NHLRC2: variants seen among roughly 807,000 people sequenced by gnomAD.
NHLRC2 encodes NHL repeat-containing protein 2.
In NHLRC2, 33 loss-of-function variants were observed where a neutral mutation model predicts 68.1. The observed-to-expected ratio is 0.48, with a 90% CI of 0.37 to 0.65. The LOEUF is 0.65. Among genes scored for constraint, NHLRC2 ranks in the 30% least tolerant of loss-of-function variants. NHLRC2 has a pLI of 0.00. For synonymous variants in NHLRC2, 311 were observed against 309.6 expected (o/e 1.00, Z -0.05); for missense variants, 761 against 853.8 (o/e 0.89, Z 1.35).
In NHLRC2 at chr10:113,911,304, C is replaced by T. The variant is rs1846326767; in HGVS notation, c.*2768C>T. ...TGTAAAGAGTTTAGCTTATCTTGAA[C>T]ATTCTGTCTTAAGCAAATATTTAAC... is the stretch of plus-strand genomic sequence containing the variant. On this transcript the variant is annotated 3_prime_UTR_variant, in exon 11 of 11. Transcript: ENST00000369301. The T allele has an allele frequency of 6.6e-6, 1 of 152,020 alleles. No individual in the cohort carries two copies. The allele number at this position is 152,020 out of a possible 1,614,324, so 9.4% of individuals were successfully genotyped here. A position where few individuals can be genotyped will look rare whatever the true frequency, so the allele number is the denominator to read the frequency against.
intron 2 of NHLRC2, among the ~76,000 whole-genome samples, chr10:113,859,309 TA>T (rs1002843761): frequency 6.6e-6 from 1 of 151,990 alleles, no homozygotes; most frequent in Non-Finnish European, 1.5e-5. Flanking sequence ...GTCTACTTTC[TA>T]AAAAAAGAAC....
chr10:113,906,455 G>A (rs1589550166), intron 10 of NHLRC2, among the ~76,000 whole-genome samples: 1 of 151,192 alleles, frequency 6.6e-6, no homozygotes, highest in Admixed American at 6.6e-5. Flanking sequence ...TTCTCTTTTG[G>A]CTTGTTATTT....
chr10:113,882,177 G>T (rs1846040918), intron 4 of NHLRC2, among the ~76,000 whole-genome samples: 1 of 151,666 alleles, frequency 6.6e-6, no homozygotes, highest in Non-Finnish European at 1.5e-5. Flanking sequence ...TTGATACACA[G>T]GTTTTACATG....
intron 10 of NHLRC2, 110 bp downstream of exon 10, chr10:113,905,146 G>A (rs931655620): frequency 5.9e-6 from 3 of 511,908 alleles, no homozygotes; most frequent in Non-Finnish European, 9.8e-6. Flanking sequence ...AAGATTTGAA[G>A]ATCATATGAA....
rs928570091 is a variant in NHLRC2, at chr10:113,915,640, T to G, written c.*7104T>G. On this transcript the variant is annotated 3_prime_UTR_variant, in exon 11 of 11. Coordinates refer to ENST00000369301, the MANE Select transcript of NHLRC2 (RefSeq NM_198514.4). ...AAATAGTTTTTTTTTCCCTTCCCAT[T>G]TTTTTGTTTTTAAGAGATAGGGTCT... 2.1e-5 allele frequency: 5 copies of G among 237,536 alleles called. No individual in the cohort carries two copies. The highest frequency in any genetic ancestry group is 1.2e-4 in the African/African-American group (5 of 42,302). The allele number at this position is 237,536 out of a possible 1,614,324, so 14.7% of individuals were successfully genotyped here.
In NHLRC2 at chr10:113,915,252, A is replaced by G. The variant is rs1453968672; in HGVS notation, c.*6716A>G. The G allele has an allele frequency of 4.4e-6, 2 of 456,312 alleles. No individual in the cohort carries two copies. Among genetic ancestry groups the G allele is most frequent in the Non-Finnish European group, 8.8e-6 (2 of 226,964 alleles). 28.3% of individuals were successfully genotyped at this position (456,312 alleles called of 1,614,324 possible). A position where few individuals can be genotyped will look rare whatever the true frequency, so the allele number is the denominator to read the frequency against. On this transcript the variant is annotated 3_prime_UTR_variant, in exon 11 of 11. Transcript: ENST00000369301. ...GAAAATATTGCAACTATTTGCAAAC[A>G]TACTTCCCTACCTGTACAAGCAGCC... is the stretch of plus-strand genomic sequence containing the variant.
At position 113,879,538 on chromosome 10, in the gene NHLRC2, A is replaced by T. The variant is rs767707676; in HGVS notation, c.788-36A>T. The T allele has an allele frequency of 4.5e-6, 7 of 1,554,860 alleles. No homozygotes were observed. In the South Asian group the frequency reaches 8.4e-5, roughly 19 times the overall value. ...TTGTTTTGTTTTGTTTTACCTTGAG[A>T]TCACTTCTTAAGTGGCAAATTTTAT... On this transcript the variant is annotated intron_variant, in intron 3 of 10. Transcript: ENST00000369301.
At position 113,869,023 on chromosome 10, in the gene NHLRC2, A is replaced by G. The variant is rs1455814563; in HGVS notation, c.332-7498A>G. The stretch of plus-strand genomic sequence containing the variant: ...TTATACTAGGAACAATTGAAAGCCA[A>G]TGAAGGATTTTCTGCAACAAGGTGA... On this transcript the variant is annotated intron_variant, in intron 2 of 10. Coordinates refer to ENST00000369301, the MANE Select transcript of NHLRC2 (RefSeq NM_198514.4). Among the ~76,000 whole-genome samples the G allele has an allele frequency of 2.6e-5, 4 of 152,352 alleles. No individual in the cohort carries two copies. The East Asian group carries it at 5.8e-4, about 22-fold the overall frequency.
chr10:113,915,322 C>G lies in NHLRC2; in HGVS notation c.*6786C>G. Reference sequence around the variant, plus strand: ...ACAAGCACAAATGAACACTAAATAGCCTTATACCAAAAAGCATTCTTGTAA... The same window carrying G: ...ACAAGCACAAATGAACACTAAATAGGCTTATACCAAAAAGCATTCTTGTAA... On this transcript the variant is annotated 3_prime_UTR_variant, in exon 11 of 11. Coordinates refer to ENST00000369301, the MANE Select transcript of NHLRC2 (RefSeq NM_198514.4). 1 of 426,934 alleles carries G rather than the reference C, an allele frequency of 2.3e-6. No individual in the cohort carries two copies. The highest frequency in any genetic ancestry group is 3.4e-4 in the Middle Eastern group (1 of 2,906). 26.4% of individuals were successfully genotyped at this position (426,934 alleles called of 1,614,324 possible).
intron 2 of NHLRC2, among the ~76,000 whole-genome samples, chr10:113,859,079 A>G (rs1345683579): frequency 3.3e-5 from 5 of 152,168 alleles, no homozygotes; most frequent in Admixed American, 1.3e-4. Context: ...AGGAAATGTG[A>G]CTAGGCTTTC....
intron 10 of NHLRC2, 126 bp from the exon 11 acceptor site, chr10:113,908,154 G>T (rs546396695): frequency 1.0e-5 from 7 of 683,742 alleles, no homozygotes; most frequent in Non-Finnish European, 1.7e-5. Context: ...CCCACAGACC[G>T]CAATGCCTGG....
intron 2 of NHLRC2, among the ~76,000 whole-genome samples, chr10:113,872,441 G>A (rs925704994): frequency 1.3e-5 from 2 of 152,002 alleles, no homozygotes; most frequent in African/African-American, 4.8e-5. Flanking sequence ...TGCAAAAGAA[G>A]CTGAAAATGC....
intron 5 of NHLRC2, among the ~76,000 whole-genome samples, chr10:113,886,485 G>C (rs2134718668): frequency 6.6e-6 from 1 of 152,174 alleles, no homozygotes; most frequent in South Asian, 2.1e-4. Flanking sequence ...CTGATTTCAA[G>C]CTATGAAGCT....
intron 6 of NHLRC2, among the ~76,000 whole-genome samples, chr10:113,899,427 G>A (rs1334998845): frequency 1.3e-5 from 2 of 152,210 alleles, no homozygotes; most frequent in African/African-American, 4.8e-5. Context: ...GTTTGTGCAT[G>A]TTGCTTTGGA....
Position 113,854,923 on chromosome 10 carries a change from G to T in NHLRC2, c.51G>T (p.Ala17=). The stretch of plus-strand genomic sequence containing the variant: ...GCAGCCTCTCCGGCCTGCTCCCCGC[G>T]CAGACCTCGCTAGAGTACGCCCTGC... ...RGRSLSGLLP[A]QTSLEYALLD... Residue 17 remains alanine (A), a synonymous_variant, in exon 1 of 11, where the codon GCG becomes GCT. Transcript: ENST00000369301. 6.4e-7 allele frequency: 1 copy of T among 1,553,780 alleles called. No homozygotes were observed. The highest frequency in any genetic ancestry group is 8.7e-7 in the Non-Finnish European group (1 of 1,148,320).
At chr10:113,859,283 TAATC>T (rs1375621033) in intron 2 of NHLRC2, among the ~76,000 whole-genome samples, 10 of 152,054 alleles carry the variant, frequency 6.6e-5, no homozygotes, top group Non-Finnish European at 1.3e-4. Context: ...TTTGAAAAAT[TAATC>T]AAATTTTTTT....
chr10:113,887,342 C>T (rs528562009), intron 5 of NHLRC2, among the ~76,000 whole-genome samples: 1 of 152,268 alleles, frequency 6.6e-6, no homozygotes, highest in Non-Finnish European at 1.5e-5. Context: ...ATCCATCAGT[C>T]TGACTTAACA....
rs751468292 is a variant in NHLRC2 at position 113,879,600 on chromosome 10, A to T, written c.814A>T (p.Ile272Leu). 4 of 1,602,516 alleles carry T rather than the reference A, an allele frequency of 2.5e-6. No homozygotes were observed. Among genetic ancestry groups the T allele is most frequent in the Non-Finnish European group, 3.4e-6 (4 of 1,173,790 alleles). Residue 272 changes from isoleucine to leucine, a missense_variant, in exon 4 of 11, where the codon ATA (isoleucine) becomes TTA (leucine). Transcript: ENST00000369301. Reference protein sequence around the residue: ...GGPNPGRKDGIFSESTFNSPQ... With the variant: ...GGPNPGRKDGLFSESTFNSPQ... ...ACCCAACCCTGGAAGAAAAGATGGA[A>T]TATTTTCAGAATCAACTTTTAATTC...
At chr10:113,898,260 T>TA (rs1564857912) in intron 6 of NHLRC2, 51 bp downstream of exon 6, 1 of 1,256,414 alleles carries the variant, frequency 8.0e-7, no homozygotes, top group Admixed American at 1.7e-5. Flanking sequence ...GGTGTTCATA[T>TA]AATTTCTTTT....
Sources: gnomAD v4.1 joint callset for allele counts (sites outside exome capture counted in the v4.1 genomes callset) on GRCh38, gnomAD v4.1.1 for gene constraint, MANE v1.5 for transcripts, NCBI Gene and HGNC (gene_info 2026-07-23, HGNC 2026-07-21) for gene names.